The following GRIN3A variants were observed in gnomAD, a reference collection of about 807,000 sequenced individuals.
GRIN3A encodes glutamate ionotropic receptor NMDA type subunit 3A.
GRIN3A carries 47 observed loss-of-function variants against 92.4 expected under a neutral mutation model. The observed-to-expected ratio is 0.51, with a 90% CI of 0.40 to 0.65. GRIN3A has a LOEUF of 0.65. Ranked by LOEUF, GRIN3A falls within the 30% of genes least tolerant of loss-of-function variation. The pLI, the probability that GRIN3A is intolerant of heterozygous loss-of-function variation, is 0.00. For missense variants in GRIN3A, 1,324 were observed against 1,393.1 expected (o/e 0.95, Z 0.79); for synonymous variants, 527 against 540.6 (o/e 0.97, Z 0.35).
rs529723365 is a variant in GRIN3A, at chr9:101,689,029, C to T, written c.700-1829G>A. Reference sequence around the variant, plus strand: ...GATCTTGAGGTGAGAGAAATGGAAGCTTCATTTCCTCACTCCTCATTTTGA... The same window carrying T: ...GATCTTGAGGTGAGAGAAATGGAAGTTTCATTTCCTCACTCCTCATTTTGA... On this transcript the variant is annotated intron_variant, in intron 1 of 8. Transcript: ENST00000361820. Among the ~76,000 whole-genome samples the T allele has an allele frequency of 1.2e-4, 19 of 152,262 alleles. No homozygotes were observed. In the East Asian group the frequency reaches 3.7e-3, roughly 29 times the overall value.
intron 1 of GRIN3A, among the ~76,000 whole-genome samples, chr9:101,689,054 A>G (rs1829578347): frequency 6.6e-6 from 1 of 152,014 alleles, no homozygotes; most frequent in South Asian, 2.1e-4. Flanking sequence ...CCTCATTTTG[A>G]TTTGTATAAA....
At chr9:101,614,609 CTTTTTTTTTTTTTTTTTT>C in intron 5 of GRIN3A, among the ~76,000 whole-genome samples, 2 of 83,066 alleles carry the variant, frequency 2.4e-5, no homozygotes, top group South Asian at 8.5e-4. Flanking sequence ...ATATGTGATA[CTTTTTTTTTTTTTTTTTT>C]TTTTTTTTTG....
chr9:101,585,100 C>T (rs1827933746), intron 6 of GRIN3A, among the ~76,000 whole-genome samples: 1 of 152,270 alleles, frequency 6.6e-6, no homozygotes, highest in Non-Finnish European at 1.5e-5. Context: ...CTTTTGTCCC[C>T]TCCCATCACC....
At chr9:101,622,017 G>A (rs1305168662) in intron 5 of GRIN3A, among the ~76,000 whole-genome samples, 1 of 152,168 alleles carries the variant, frequency 6.6e-6, no homozygotes, top group Non-Finnish European at 1.5e-5. Context: ...TAAGACGGTA[G>A]TCTTAATAGA....
intron 8 of GRIN3A, among the ~76,000 whole-genome samples, chr9:101,574,400 A>C (rs1427208840): frequency 6.6e-6 from 1 of 152,206 alleles, no homozygotes. Context: ...TAGGAGAAGA[A>C]GCAGGAGGAG....
intron 8 of GRIN3A, among the ~76,000 whole-genome samples, chr9:101,575,987 C>G (rs1827821021): frequency 6.6e-6 from 1 of 152,164 alleles, no homozygotes; most frequent in South Asian, 2.1e-4. Flanking sequence ...GTGCCAAATT[C>G]TAGTTGCTAG....
chr9:101,679,034 C>G (rs1829435620), intron 2 of GRIN3A, among the ~76,000 whole-genome samples: 1 of 152,300 alleles, frequency 6.6e-6, no homozygotes, highest in South Asian at 2.1e-4. Context: ...CATTCTGGCT[C>G]TTTGGATCTG....
Position 101,613,459 on chromosome 9 carries a change from T to C in GRIN3A, c.2683A>G (p.Lys895Glu), listed in dbSNP as rs1323005379. 3.1e-6 allele frequency: 5 copies of C among 1,614,090 alleles called. No individual in the cohort carries two copies. The South Asian group carries it at 4.4e-5, about 14-fold the overall frequency. The change falls in exon 6 of 9, where the codon AAG becomes GAG. Residue 895 changes from lysine (K) to glutamate (E), a missense_variant. By Grantham distance (56) the Lys-to-Glu change is moderately conservative. Coordinates refer to ENST00000361820, the MANE Select transcript of GRIN3A (RefSeq NM_133445.3). The part of the protein sequence containing the change: ...ANISELISQY[K>E]SHGFMDMLHD... ...AGCATATCCATAAACCCATGTGACT[T>C]GTATTGACTGATTAGCTCGGATATG...
At chr9:101,731,306 TC>T (rs5899462) in intron 1 of GRIN3A, among the ~76,000 whole-genome samples, 21,197 of 152,200 alleles carry the variant, frequency 0.14, 1,840 homozygotes, top group Admixed American at 0.2. Flanking sequence ...GCTTCTCACT[TC>T]CTACAATGCA....
chr9:101,643,205 A>G (rs1271894576), intron 3 of GRIN3A, among the ~76,000 whole-genome samples: 1 of 152,108 alleles, frequency 6.6e-6, no homozygotes, highest in Non-Finnish European at 1.5e-5. Context: ...AAACAAACAA[A>G]CAAAAACAAA....
intron 6 of GRIN3A, among the ~76,000 whole-genome samples, chr9:101,602,601 T>C (rs1405325343): frequency 6.6e-6 from 1 of 152,228 alleles, no homozygotes; most frequent in East Asian, 1.9e-4. Flanking sequence ...TATTCATGAG[T>C]TTGCCGAATT....
intron 2 of GRIN3A, among the ~76,000 whole-genome samples, chr9:101,671,377 A>C (rs1829322427): frequency 6.6e-6 from 1 of 152,136 alleles, no homozygotes; most frequent in Non-Finnish European, 1.5e-5. Flanking sequence ...CAAATGTTTT[A>C]ATTCCTAGTT....
Position 101,686,739 on chromosome 9 carries a change from G to C in GRIN3A, c.1161C>G (p.His387Gln), listed in dbSNP as rs1350924409. ...CCAGCTCCATAGCATCTTGTACGTA[G>C]TGCTCAAAGACAGACTGTGTTGTTT... ...HGKTTQSVFEHYVQDAMELVA... is the reference protein window; with the variant it reads ...HGKTTQSVFEQYVQDAMELVA... The change falls in exon 2 of 9, where the codon CAC becomes CAG. Residue 387 changes from histidine (H) to glutamine (Q), a missense_variant. Transcript: ENST00000361820. 1.9e-6 allele frequency: 3 copies of C among 1,614,184 alleles called. No homozygotes were observed. The highest frequency in any genetic ancestry group is 2.2e-5 in the South Asian group (2 of 91,088).
rs75201933 is a variant in GRIN3A at position 101,573,437 on chromosome 9, A to G, written c.3085T>C (p.Phe1029Leu). Reference sequence around the variant, plus strand: ...TGGTTTTGTCCTTCCTCATCACTAAAGATGTATTTCCGTCGGTTGTCATGA... The same window carrying G: ...TGGTTTTGTCCTTCCTCATCACTAAGGATGTATTTCCGTCGGTTGTCATGA... Reference protein sequence around the residue: ...LSHDNRRKYIFSDEEGQNQLG... With the variant: ...LSHDNRRKYILSDEEGQNQLG... The change falls in exon 9 of 9, where the codon TTT (phenylalanine) becomes CTT (leucine). Residue 1029 changes from phenylalanine (F) to leucine (L), a missense_variant. Transcript: ENST00000361820. 6,239 of 1,614,028 alleles carry G rather than the reference A, an allele frequency of 3.9e-3. 19 individuals are homozygous for G. The highest frequency in any genetic ancestry group is 4.9e-3 in the Non-Finnish European group (5,779 of 1,179,976).
chr9:101,639,479 C>T lies in GRIN3A; in HGVS notation c.2353-11078G>A, dbSNP rs189754825. ...TGGACTGTGGAACTCAAACTTCTCTCTTGAATCATTGCCCATCACCAGCTG... is the reference window on the plus strand; with the variant it reads ...TGGACTGTGGAACTCAAACTTCTCTTTTGAATCATTGCCCATCACCAGCTG... On this transcript the variant is annotated intron_variant, in intron 3 of 8. Coordinates refer to ENST00000361820, the MANE Select transcript of GRIN3A (RefSeq NM_133445.3). Among the ~76,000 whole-genome samples the T allele has an allele frequency of 3.6e-3, 545 of 152,302 alleles. 1 individual carries two copies. Among genetic ancestry groups the T allele is most frequent in the Non-Finnish European group, 5.2e-3 (353 of 68,020 alleles).
At chr9:101,593,365 G>A (rs1034864192) in intron 6 of GRIN3A, 2 of 152,196 alleles carry the variant, frequency 1.3e-5, no homozygotes, top group African/African-American at 4.8e-5. Flanking sequence ...TTCTCTTCTA[G>A]GCCTCAGATC....
chr9:101,594,584 A>G, intron 6 of GRIN3A: 1 of 1,614,172 alleles, frequency 6.2e-7, no homozygotes, highest in Non-Finnish European at 8.5e-7. Context: ...CAGCACCTGG[A>G]AGAGCTCCCC....
intron 1 of GRIN3A, among the ~76,000 whole-genome samples, chr9:101,703,899 A>G (rs940846373): frequency 1.3e-5 from 2 of 152,126 alleles, no homozygotes; most frequent in African/African-American, 4.8e-5. Flanking sequence ...TGCCTCCACT[A>G]CTGTCTCTTC....
intron 3 of GRIN3A, among the ~76,000 whole-genome samples, chr9:101,630,059 G>C (rs1284592214): frequency 1.3e-5 from 2 of 152,292 alleles, no homozygotes; most frequent in African/African-American, 4.8e-5. Context: ...CAGTCGTATG[G>C]CTTGCGCAAG....
Sources: gnomAD v4.1 joint callset for allele counts (sites outside exome capture counted in the v4.1 genomes callset) on GRCh38, gnomAD v4.1.1 for gene constraint, MANE v1.5 for transcripts, NCBI Gene and HGNC (gene_info 2026-07-23, HGNC 2026-07-21) for gene names.